Variants in DDAH1 observed in about 807,000 individuals in gnomAD.
DDAH1 encodes the protein N(G),N(G)-dimethylarginine dimethylaminohydrolase 1.
DDAH1 carries 19 observed loss-of-function variants against 28.8 expected under a neutral mutation model. The ratio of observed to expected loss-of-function variants is 0.66; its 90% confidence interval spans 0.46 to 0.97. DDAH1 has a LOEUF of 0.97. Among genes scored for constraint, DDAH1 ranks in the 50% least tolerant of loss-of-function variants. DDAH1 has a pLI of 0.00. For synonymous variants in DDAH1, 153 were observed against 154.4 expected, an observed-to-expected ratio of 0.99 and a Z score of 0.07; for missense variants, 326 against 375.9, an observed-to-expected ratio of 0.87 and a Z score of 1.10.
intron 1 of DDAH1, among the ~76,000 whole-genome samples, chr1:85,400,286 A>C (rs1482771214): frequency 7.2e-6 from 1 of 138,838 alleles, no homozygotes; most frequent in Non-Finnish European, 1.5e-5. Context: ...CCACCTCCTG[A>C]GTTCAAGCAA....
chr1:85,511,669 C>T (rs1180177042), intron 1 of DDAH1, among the ~76,000 whole-genome samples: 1 of 152,146 alleles, frequency 6.6e-6, no homozygotes, highest in African/African-American at 2.4e-5. Flanking sequence ...AAGGGGATAT[C>T]ACCACTGATC....
chr1:85,344,325 A>T (rs1340953835), intron 4 of DDAH1, among the ~76,000 whole-genome samples: 4 of 152,248 alleles, frequency 2.6e-5, no homozygotes, highest in African/African-American at 4.8e-5. Context: ...CAAATGTAAT[A>T]TATGAAAAAA....
At chr1:85,537,923 G>A (rs1190429053) in intron 1 of DDAH1, among the ~76,000 whole-genome samples, 1 of 151,910 alleles carries the variant, frequency 6.6e-6, no homozygotes, top group African/African-American at 2.4e-5. Flanking sequence ...GCAGATAAGT[G>A]TTCTCTTTGT....
chr1:85,578,152 G>T, exon 1 of DDAH1: 2 of 201,854 alleles, frequency 9.9e-6, no homozygotes, highest in Non-Finnish European at 1.8e-5. Flanking sequence ...ACTAGCAGGC[G>T]CAACAGCACA....
chr1:85,531,467 T>G (rs1658089397), intron 1 of DDAH1, among the ~76,000 whole-genome samples: 1 of 152,272 alleles, frequency 6.6e-6, no homozygotes. Context: ...TAGTGAATAA[T>G]AGTGGGGATA....
chr1:85,500,445 G>T lies in DDAH1; in HGVS notation c.-122-4164C>A, dbSNP rs553407969. ...TAAATCAGCATTATTGTTCCCCTGG[G>T]TCTTGCGCAGAATGAGTCTTTTCCT... On this transcript the variant is annotated intron_variant, in intron 1 of 6. Coordinates refer to the DDAH1 transcript ENST00000426972. 6.8e-4 allele frequency among the ~76,000 whole-genome samples: 103 copies of T among 152,082 alleles called. 1 individual carries two copies. In the South Asian group the frequency reaches 0.019, roughly 28 times the overall value.
chr1:85,321,376 A>G lies in DDAH1; in HGVS notation c.*76T>C. 1.1e-5 allele frequency: 10 copies of G among 921,550 alleles called. 1 individual carries two copies. The South Asian group carries it at 1.4e-4, about 13-fold the overall frequency. The allele number at this position is 921,550 out of a possible 1,614,324, so 57.1% of individuals were successfully genotyped here. ...ACAGTGGCACAGTAGATTGTCAAGG[A>G]AAACAACAGGAGTGGGCACAGAGTC... On this transcript the variant is annotated 3_prime_UTR_variant, in exon 6 of 6. Transcript: ENST00000284031.
intron 1 of DDAH1, chr1:85,404,407 T>G: frequency 6.5e-7 from 1 of 1,535,038 alleles, no homozygotes. Flanking sequence ...CAAATTGCCA[T>G]CCAGAACTGC....
At chr1:85,528,273 G>A (rs1306568298) in intron 1 of DDAH1, among the ~76,000 whole-genome samples, 2 of 151,778 alleles carry the variant, frequency 1.3e-5, no homozygotes, top group African/African-American at 4.8e-5. Flanking sequence ...CAAGTGTGAT[G>A]CATTCTGGTA....
At chr1:85,473,886 A>C (rs1459355905) in intron 2 of DDAH1, among the ~76,000 whole-genome samples, 1 of 151,900 alleles carries the variant, frequency 6.6e-6, no homozygotes. Flanking sequence ...CTTCAAATAC[A>C]CCCCAGTGCC....
At chr1:85,404,739 G>T (rs551338123) in intron 1 of DDAH1, among the ~76,000 whole-genome samples, 1 of 152,218 alleles carries the variant, frequency 6.6e-6, no homozygotes, top group South Asian at 2.1e-4. Context: ...GAAATTCTCT[G>T]TCTTTCTCTC....
intron 1 of DDAH1, among the ~76,000 whole-genome samples, chr1:85,544,702 C>T (rs959640920): frequency 6.6e-6 from 1 of 152,178 alleles, no homozygotes; most frequent in Non-Finnish European, 1.5e-5. Flanking sequence ...CAACTCACAT[C>T]CTGCAAGCCT....
intron 1 of DDAH1, among the ~76,000 whole-genome samples, chr1:85,438,043 T>C (rs1040018713): frequency 6.6e-6 from 1 of 152,214 alleles, no homozygotes; most frequent in African/African-American, 2.4e-5. Context: ...TGGATGCAGC[T>C]GGAGGCCATT....
At chr1:85,529,206 C>T (rs1464187102) in intron 1 of DDAH1, among the ~76,000 whole-genome samples, 91 of 152,212 alleles carry the variant, frequency 6.0e-4, no homozygotes, top group Non-Finnish European at 2.4e-4. Flanking sequence ...TGAATCCTGA[C>T]TCTAATTCAG....
intron 1 of DDAH1, among the ~76,000 whole-genome samples, chr1:85,560,626 T>C (rs1659110450): frequency 6.6e-6 from 1 of 151,984 alleles, no homozygotes; most frequent in African/African-American, 2.4e-5. Context: ...ACAATGCATA[T>C]TGCAAACCCC....
chr1:85,572,674 C>T (rs1265878740), intron 1 of DDAH1, among the ~76,000 whole-genome samples: 3 of 152,336 alleles, frequency 2.0e-5, no homozygotes, highest in Admixed American at 2.0e-4. Flanking sequence ...CAAGTGTCAG[C>T]CGGCACTAAC....
intron 1 of DDAH1, among the ~76,000 whole-genome samples, chr1:85,366,426 G>A (rs928114357): frequency 6.6e-6 from 1 of 151,590 alleles, no homozygotes; most frequent in Non-Finnish European, 1.5e-5. Context: ...CCAAACATAT[G>A]GGTTTATTTC....
intron 1 of DDAH1, among the ~76,000 whole-genome samples, chr1:85,406,152 T>A (rs1652394967): frequency 6.6e-6 from 1 of 152,208 alleles, no homozygotes; most frequent in Non-Finnish European, 1.5e-5. Context: ...AAGGCCACAC[T>A]GTCTAGAACA....
chr1:85,571,787 C>CTTTTTTTATTTTTT (rs1659461187), intron 1 of DDAH1, among the ~76,000 whole-genome samples: 1 of 85,384 alleles, frequency 1.2e-5, no homozygotes, highest in Non-Finnish European at 2.1e-5. Context: ...TGTTTATAAG[C>CTTTTTTTATTTTTT]TTTTTTTTTT....
Sources: gnomAD v4.1 joint callset for allele counts (sites outside exome capture counted in the v4.1 genomes callset) on GRCh38, gnomAD v4.1.1 for gene constraint, MANE v1.5 for transcripts, NCBI Gene and HGNC (gene_info 2026-07-23, HGNC 2026-07-21) for gene names.